Variants in RNF175 observed in about 807,000 individuals in gnomAD.
RNF175 encodes ring finger protein 175.
Under a neutral mutation model 50.0 loss-of-function variants are expected in RNF175, and 38 were observed. The ratio of observed to expected loss-of-function variants is 0.76; its 90% CI spans 0.59 to 1.00. The LOEUF (loss-of-function observed/expected upper bound fraction) is 1.00, where lower values mean the gene tolerates loss of function less well. RNF175 is among the 50% of genes least tolerant of loss of function. RNF175 has a pLI of 0.00. For synonymous variants in RNF175, 155 were observed against 146.1 expected (o/e 1.06, Z -0.44); for missense variants, 388 against 409.6 (o/e 0.95, Z 0.46).
At position 153,751,453 on chromosome 4, in the gene RNF175, G is replaced by A; in HGVS notation, c.89C>T (p.Ala30Val). 6.4e-7 allele frequency: 1 copy of A among 1,556,944 alleles called. No homozygotes were observed. Among genetic ancestry groups the A allele is most frequent in the Admixed American group, 1.9e-5 (1 of 51,430 alleles). ...QEQLSHTKLS[A>V]EDTWNLQQER... ...AATTACTTACTTCCATGTGTCTTCT[G>A]CAGAAAGCTTTGTATGAGAGAGCTG... The change falls in exon 2 of 9, where the codon GCA (alanine) becomes GTA (valine). Residue 30 changes from alanine to valine, a missense_variant. Coordinates refer to ENST00000347063, the MANE Select transcript of RNF175 (RefSeq NM_173662.4).
chr4:153,717,205 C>T (rs1351492590), intron 6 of RNF175, among the ~76,000 whole-genome samples: 3 of 152,132 alleles, frequency 2.0e-5, no homozygotes, highest in African/African-American at 7.2e-5. Flanking sequence ...CCAGCTTTGG[C>T]CATTGGGAGC....
chr4:153,722,594 G>A (rs1381718420), intron 5 of RNF175, among the ~76,000 whole-genome samples: 4 of 151,868 alleles, frequency 2.6e-5, no homozygotes. Flanking sequence ...CATGAGCCAC[G>A]GCGCCCAGCC....
rs1238585034 is a variant in RNF175 at position 153,759,779 on chromosome 4, G to A, written c.66+18C>T. On this transcript the variant is annotated intron_variant, in intron 1 of 8. Transcript: ENST00000347063. ...CCCCGGCCTGGCGTCCCCCACGCCC[G>A]CGCCCCCGCGCCAGTACCTGCTCCT... The A allele has an allele frequency of 2.0e-6, 3 of 1,464,506 alleles. No homozygotes were observed. The highest frequency in any genetic ancestry group is 2.9e-5 in the East Asian group (1 of 34,912). 90.7% of individuals were successfully genotyped at this position (1,464,506 alleles called of 1,614,324 possible). A position where few individuals can be genotyped will look rare whatever the true frequency, so the allele number is the denominator to read the frequency against.
At chr4:153,740,736 T>C (rs929989491) in intron 3 of RNF175, among the ~76,000 whole-genome samples, 2 of 152,238 alleles carry the variant, frequency 1.3e-5, no homozygotes, top group African/African-American at 2.4e-5. Flanking sequence ...CTGAGTCTGG[T>C]TCTTTGTCTC....
At chr4:153,725,561 G>A (rs2127116350) in intron 4 of RNF175, among the ~76,000 whole-genome samples, 1 of 152,324 alleles carries the variant, frequency 6.6e-6, no homozygotes, top group East Asian at 1.9e-4. Context: ...GTTTCTCTGT[G>A]CAAAGCGGTT....
Position 153,748,952 on chromosome 4 carries a change from TAA to T in RNF175, c.105-168_105-167del, listed in dbSNP as rs1002184058. On this transcript the variant is annotated intron_variant, in intron 2 of 8. Transcript: ENST00000347063. Reference sequence around the variant, plus strand: ...GTAAGCTTTGATTGTAAAGTTTTTCTAAGTTTTTCTTGGTTTCTTCCCTTTCC... The same window carrying T: ...GTAAGCTTTGATTGTAAAGTTTTTCTGTTTTTCTTGGTTTCTTCCCTTTCC... The T allele has an allele frequency of 1.1e-5, 7 of 626,882 alleles. No homozygotes were observed. In the African/African-American group the frequency reaches 1.3e-4, roughly 12 times the overall value. The allele number at this position is 626,882 out of a possible 1,614,324, so 38.8% of individuals were successfully genotyped here.
intron 3 of RNF175, chr4:153,729,714 GTCT>G (rs1738922922): frequency 2.0e-6 from 2 of 984,896 alleles, no homozygotes; most frequent in African/African-American, 1.7e-5. Context: ...ATGATCTGAA[GTCT>G]TCTTAGAATT....
chr4:153,751,375 C>A, intron 2 of RNF175, 63 bp downstream of exon 2: 1 of 1,147,618 alleles, frequency 8.7e-7, no homozygotes, highest in South Asian at 1.4e-5. Flanking sequence ...TTCATTTTCT[C>A]AACTGTTAAG....
chr4:153,740,076 C>T (rs897037891), intron 3 of RNF175, among the ~76,000 whole-genome samples: 2 of 151,866 alleles, frequency 1.3e-5, no homozygotes, highest in African/African-American at 4.8e-5. Flanking sequence ...GAAGTTTCTA[C>T]TGACATTATC....
At chr4:153,757,303 C>T (rs1404599458) in intron 1 of RNF175, among the ~76,000 whole-genome samples, 2 of 152,188 alleles carry the variant, frequency 1.3e-5, no homozygotes, top group Non-Finnish European at 2.9e-5. Flanking sequence ...CTCATCCCCC[C>T]ACTGAATCCT....
intron 6 of RNF175, among the ~76,000 whole-genome samples, chr4:153,716,022 C>T: frequency 6.8e-6 from 1 of 146,770 alleles, no homozygotes; most frequent in East Asian, 2.0e-4. Context: ...TGAGATTGCG[C>T]CACTGCACTC....
At chr4:153,748,224 T>G (rs964874288) in intron 3 of RNF175, among the ~76,000 whole-genome samples, 1 of 152,202 alleles carries the variant, frequency 6.6e-6, no homozygotes, top group East Asian at 1.9e-4. Flanking sequence ...TTCTTTTGGC[T>G]ATTCTAATCC....
chr4:153,734,087 G>C (rs987213754), intron 3 of RNF175, among the ~76,000 whole-genome samples: 27 of 152,200 alleles, frequency 1.8e-4, no homozygotes, highest in Admixed American at 1.6e-3. Context: ...ATGTACCACA[G>C]TTTATTTATC....
chr4:153,716,774 C>T (rs953203291), intron 6 of RNF175, among the ~76,000 whole-genome samples: 1 of 152,176 alleles, frequency 6.6e-6, no homozygotes, highest in Non-Finnish European at 1.5e-5. Context: ...ATTGATGTTG[C>T]AGTCTTGAGG....
At position 153,759,872 on chromosome 4, in the gene RNF175, A is replaced by T; in HGVS notation, c.-10T>A. On this transcript the variant is annotated 5_prime_UTR_variant, in exon 1 of 9. Transcript: ENST00000347063. ...CCGTCCCCGCGGCCATGCCTGAGCCACTGTGCCTTCTCCAGGGCACAGCGC... is the reference window on the plus strand; with the variant it reads ...CCGTCCCCGCGGCCATGCCTGAGCCTCTGTGCCTTCTCCAGGGCACAGCGC... 7.0e-7 allele frequency: 1 copy of T among 1,429,412 alleles called. No individual in the cohort carries two copies. The highest frequency in any genetic ancestry group is 1.5e-5 in the African/African-American group (1 of 66,780). The allele number at this position is 1,429,412 out of a possible 1,614,324, so 88.5% of individuals were successfully genotyped here. A position where few individuals can be genotyped will look rare whatever the true frequency, so the allele number is the denominator to read the frequency against.
intron 3 of RNF175, among the ~76,000 whole-genome samples, chr4:153,740,090 A>G (rs1739568785): frequency 6.6e-6 from 1 of 151,654 alleles, no homozygotes; most frequent in Non-Finnish European, 1.5e-5. Flanking sequence ...CATTATCTTC[A>G]AGCTCACTAA....
chr4:153,744,286 G>A (rs908413609), intron 3 of RNF175, among the ~76,000 whole-genome samples: 1 of 152,142 alleles, frequency 6.6e-6, no homozygotes, highest in Non-Finnish European at 1.5e-5. Context: ...GCCGGGTGTG[G>A]TGGTGGGCGC....
At chr4:153,722,369 A>G (rs938685370) in intron 5 of RNF175, among the ~76,000 whole-genome samples, 1 of 152,088 alleles carries the variant, frequency 6.6e-6, no homozygotes, top group East Asian at 1.9e-4. Flanking sequence ...TTGTCTTTCA[A>G]TTGCTTTTTT....
intron 3 of RNF175, chr4:153,729,731 C>G (rs1738923830): frequency 1.0e-6 from 1 of 984,888 alleles, no homozygotes; most frequent in Non-Finnish European, 1.2e-6. Context: ...TAGAATTGCT[C>G]TGAATCTTCT....
Sources: gnomAD v4.1 joint callset for allele counts (sites outside exome capture counted in the v4.1 genomes callset) on GRCh38, gnomAD v4.1.1 for gene constraint, MANE v1.5 for transcripts, NCBI Gene and HGNC (gene_info 2026-07-23, HGNC 2026-07-21) for gene names.